RNF115: variants seen among roughly 807,000 people sequenced by gnomAD.
The protein encoded by RNF115 is E3 ubiquitin-protein ligase RNF115.
A neutral mutation model predicts 39.2 loss-of-function variants in RNF115; 31 were observed. The ratio of observed to expected loss-of-function variants is 0.79; its 90% CI spans 0.59 to 1.07. The LOEUF is 1.07. Among genes scored for constraint, RNF115 ranks in the 50% least tolerant of loss-of-function variants. RNF115 has a pLI of 0.00. For synonymous variants in RNF115, 124 were observed against 131.0 expected (o/e 0.95, Z 0.37); for missense variants, 384 against 381.7 (o/e 1.01, Z -0.05).
At chr1:145,779,814 C>A (rs587727718) in intron 3 of RNF115, among the ~76,000 whole-genome samples, 4 of 152,126 alleles carry the variant, frequency 2.6e-5, no homozygotes, top group Non-Finnish European at 5.9e-5. Context: ...AGGTGCCCGC[C>A]ACCACACCTG....
intron 1 of RNF115, among the ~76,000 whole-genome samples, chr1:145,793,696 A>G (rs1194746373): frequency 6.6e-6 from 1 of 152,082 alleles, no homozygotes; most frequent in Non-Finnish European, 1.5e-5. Context: ...GGGGTCATTC[A>G]TAACGCCTCT....
chr1:145,752,151 A>C (rs1030999660), intron 5 of RNF115, among the ~76,000 whole-genome samples: 1 of 152,206 alleles, frequency 6.6e-6, no homozygotes, highest in Non-Finnish European at 1.5e-5. Flanking sequence ...AGTTAGAAGC[A>C]GCAAATAATT....
chr1:145,797,935 T>C (rs1164476947), intron 1 of RNF115, among the ~76,000 whole-genome samples: 6 of 152,234 alleles, frequency 3.9e-5, no homozygotes, highest in Admixed American at 1.3e-4. Flanking sequence ...TCTTGACCAT[T>C]GGTTTATCAT....
intron 3 of RNF115, among the ~76,000 whole-genome samples, chr1:145,780,379 G>A (rs1648079822): frequency 6.6e-6 from 1 of 152,094 alleles, no homozygotes; most frequent in African/African-American, 2.4e-5. Context: ...CCAGCACTTT[G>A]GGAGACCAAG....
At chr1:145,791,484 C>A (rs1648663953) in intron 1 of RNF115, among the ~76,000 whole-genome samples, 1 of 151,244 alleles carries the variant, frequency 6.6e-6, no homozygotes, top group Admixed American at 6.6e-5. Context: ...TGCACTCCAG[C>A]CTGGGCAACA....
intron 7 of RNF115, among the ~76,000 whole-genome samples, chr1:145,748,982 G>A (rs1202011757): frequency 6.6e-6 from 1 of 152,004 alleles, no homozygotes; most frequent in African/African-American, 2.4e-5. Context: ...CTGCAGAACT[G>A]CAAAGTCGAA....
chr1:145,767,845 CGCCCGCAA>C (rs1181627607), intron 4 of RNF115, among the ~76,000 whole-genome samples: 1 of 152,232 alleles, frequency 6.6e-6, no homozygotes, highest in African/African-American at 2.4e-5. Flanking sequence ...TGGCGGCGCG[CGCCCGCAA>C]TCGCAGGCAC....
At chr1:145,823,739 G>C in intron 1 of RNF115, 33 bp downstream of exon 1, 1 of 1,448,318 alleles carries the variant, frequency 6.9e-7, no homozygotes, top group Non-Finnish European at 9.4e-7. Flanking sequence ...GAATCTATGA[G>C]GTTCCCAAGT....
chr1:145,795,419 C>T (rs1553719819), intron 1 of RNF115, among the ~76,000 whole-genome samples: 1 of 152,128 alleles, frequency 6.6e-6, no homozygotes, highest in African/African-American at 2.4e-5. Flanking sequence ...TCCCCGCCCA[C>T]GTCCTGCTTG....
chr1:145,779,913 C>T (rs895193076), intron 3 of RNF115, among the ~76,000 whole-genome samples: 30 of 151,910 alleles, frequency 2.0e-4, no homozygotes, highest in African/African-American at 5.1e-4. Flanking sequence ...TCTGCATGCC[C>T]GGCCAATATT....
intron 4 of RNF115, among the ~76,000 whole-genome samples, chr1:145,769,112 A>G (rs1225624254): frequency 5.3e-5 from 8 of 152,226 alleles, no homozygotes; most frequent in African/African-American, 1.9e-4. Context: ...TAGTTATACT[A>G]AAATTTTTTA....
At chr1:145,820,921 G>GA (rs1294206269) in intron 1 of RNF115, among the ~76,000 whole-genome samples, 23 of 133,208 alleles carry the variant, frequency 1.7e-4, no homozygotes, top group African/African-American at 6.4e-4. Context: ...TTTTAGTTGT[G>GA]AAAAAAACAT....
At chr1:145,762,495 T>C (rs1298999421) in intron 4 of RNF115, among the ~76,000 whole-genome samples, 1 of 152,100 alleles carries the variant, frequency 6.6e-6, no homozygotes, top group African/African-American at 2.4e-5. Context: ...ATATATACAA[T>C]CTATTAAGAT....
intron 1 of RNF115, among the ~76,000 whole-genome samples, chr1:145,805,005 G>A (rs1649404423): frequency 6.6e-6 from 1 of 151,830 alleles, no homozygotes; most frequent in South Asian, 2.1e-4. Flanking sequence ...TTGGAAACCT[G>A]CAAGGATTGC....
intron 1 of RNF115, among the ~76,000 whole-genome samples, chr1:145,795,043 T>C (rs1353078623): frequency 2.8e-5 from 4 of 143,802 alleles, no homozygotes; most frequent in African/African-American, 7.6e-5. Flanking sequence ...AAAAAGATAG[T>C]GTGTCCGGAG....
chr1:145,789,086 G>T, intron 1 of RNF115, 120 bp from the exon 2 acceptor site: 1 of 636,960 alleles, frequency 1.6e-6, no homozygotes. Flanking sequence ...TGTACTCGCT[G>T]ACTCAAGTAG....
intron 1 of RNF115, among the ~76,000 whole-genome samples, chr1:145,801,180 T>C (rs587606535): frequency 6.6e-6 from 1 of 151,682 alleles, no homozygotes; most frequent in East Asian, 2.0e-4. Context: ...AGACTCCGTC[T>C]CAAAAAAAAA....
chr1:145,758,897 TA>T (rs1168247699), intron 4 of RNF115, among the ~76,000 whole-genome samples: 3 of 151,778 alleles, frequency 2.0e-5, no homozygotes, highest in South Asian at 2.1e-4. Flanking sequence ...TTTTGTTTAT[TA>T]AAAAAAAATC....
chr1:145,801,505 C>T (rs1458213082), intron 1 of RNF115, among the ~76,000 whole-genome samples: 1 of 151,732 alleles, frequency 6.6e-6, no homozygotes, highest in Admixed American at 6.6e-5. Flanking sequence ...GCAGAGGTTG[C>T]AGTGAGTGAA....
Sources: allele counts gnomAD v4.1 joint callset (sites outside exome capture counted in the v4.1 genomes callset), GRCh38; gene constraint gnomAD v4.1.1; transcripts MANE v1.5; gene names NCBI Gene and HGNC (gene_info 2026-07-23, HGNC 2026-07-21).